The following HOXB7 variants were observed in gnomAD, a reference collection of about 807,000 sequenced individuals.
HOXB7 encodes homeobox protein Hox-B7.
In HOXB7, 11 loss-of-function variants were observed where a neutral mutation model predicts 19.2. That is an observed-to-expected ratio of 0.57 (90% CI 0.36 to 0.95). The LOEUF (loss-of-function observed/expected upper bound fraction) is 0.95. HOXB7 is among the 40% of genes least tolerant of loss of function. HOXB7 has a pLI of 0.01. For synonymous variants in HOXB7, 141 were observed against 130.2 expected (o/e 1.08, Z -0.56); for missense variants, 318 against 301.1 (o/e 1.06, Z -0.42).
intron 1 of HOXB7, among the ~76,000 whole-genome samples, chr17:48,610,007 G>A (rs1383403126): frequency 6.6e-6 from 1 of 152,160 alleles, no homozygotes; most frequent in South Asian, 2.1e-4. Context: ...GGGGAGCGGG[G>A]TTGGCTGGAG....
Position 48,611,003 on chromosome 17 carries a change from A to T in HOXB7, c.-85T>A. 8.3e-7 allele frequency: 1 copy of T among 1,208,682 alleles called. No homozygotes were observed. Among genetic ancestry groups the T allele is most frequent in the Non-Finnish European group, 1.1e-6 (1 of 908,578 alleles). The allele number at this position is 1,208,682 out of a possible 1,614,324, so 74.9% of individuals were successfully genotyped here. Reference sequence around the variant, plus strand: ...GATATATTACAGAATTAGAGTCCAGATTTACACCAAAAAGGACCCCCTTTT... The same window carrying T: ...GATATATTACAGAATTAGAGTCCAGTTTTACACCAAAAAGGACCCCCTTTT... On this transcript the variant is annotated 5_prime_UTR_variant, in exon 1 of 2. Transcript: ENST00000239165.
chr17:48,610,898 C>T lies in HOXB7; in HGVS notation c.21G>A (p.Ala7=), dbSNP rs1377736256. Residue 7 remains alanine (A), a synonymous_variant, in exon 1 of 2, where the codon GCG becomes GCA. Coordinates refer to ENST00000239165, the MANE Select transcript of HOXB7 (RefSeq NM_004502.4). ...CTGGATATTTAGAAAATAAAGTATT[C>T]GCATAATACAATGAACTCATAATTT... MSSLYY[A]NTLFSKYPAS... is the part of the protein sequence containing the mutation. The T allele has an allele frequency of 5.3e-6, 8 of 1,509,646 alleles. No homozygotes were observed. Among genetic ancestry groups the T allele is most frequent in the African/African-American group, 4.2e-5 (3 of 71,310 alleles). 93.5% of individuals were successfully genotyped at this position (1,509,646 alleles called of 1,614,324 possible).
rs2144993135 is a variant in HOXB7, at chr17:48,607,563, T to A, written c.*279A>T. On this transcript the variant is annotated 3_prime_UTR_variant, in exon 2 of 2. Transcript: ENST00000239165. ...TCCAGAAAGCTACAGAACAGGTAGA[T>A]AATATCCTTTTCATATTGTACAAAA... 1 of 406,340 alleles carries A rather than the reference T, an allele frequency of 2.5e-6. No individual in the cohort carries two copies. The highest frequency in any genetic ancestry group is 4.6e-5 in the East Asian group (1 of 21,962). 25.2% of individuals were successfully genotyped at this position (406,340 alleles called of 1,614,324 possible). A position where few individuals can be genotyped will look rare whatever the true frequency, so the allele number is the denominator to read the frequency against.
At chr17:48,608,864 G>A (rs567632001) in intron 1 of HOXB7, among the ~76,000 whole-genome samples, 2 of 152,202 alleles carry the variant, frequency 1.3e-5, no homozygotes, top group African/African-American at 2.4e-5. Context: ...GGAGTGGGGC[G>A]CCAGGCCTAG....
Position 48,607,713 on chromosome 17 carries a change from T to TG in HOXB7, c.*128dup, listed in dbSNP as rs781633825. On this transcript the variant is annotated 3_prime_UTR_variant, in exon 2 of 2. Coordinates refer to ENST00000239165, the MANE Select transcript of HOXB7 (RefSeq NM_004502.4). ...TTTCATTTAAATAGGGTTTTTTTTT[T>TG]GTTTTTTTTGTTTTTTGTTTTGTTT... 30 of 668,678 alleles carry TG rather than the reference T, an allele frequency of 4.5e-5. No individual in the cohort carries two copies. In the Admixed American group the frequency reaches 8.0e-4, roughly 18 times the overall value. The allele number at this position is 668,678 out of a possible 1,614,324, so 41.4% of individuals were successfully genotyped here. A position where few individuals can be genotyped will look rare whatever the true frequency, so the allele number is the denominator to read the frequency against.
chr17:48,610,216 T>C (rs2070629179), intron 1 of HOXB7, among the ~76,000 whole-genome samples: 1 of 151,606 alleles, frequency 6.6e-6, no homozygotes, highest in African/African-American at 2.4e-5. Context: ...GTGCCGGCGC[T>C]GCTGATAAAT....
At chr17:48,609,725 C>T (rs186983971) in intron 1 of HOXB7, among the ~76,000 whole-genome samples, 79 of 152,250 alleles carry the variant, frequency 5.2e-4, no homozygotes, top group Non-Finnish European at 8.4e-4. Context: ...TCTGGAATGA[C>T]ACCTCCAAAC....
intron 1 of HOXB7, among the ~76,000 whole-genome samples, chr17:48,608,488 T>C (rs1374547455): frequency 6.7e-6 from 1 of 149,678 alleles, no homozygotes; most frequent in African/African-American, 2.5e-5. Context: ...TTATACCGTG[T>C]ATGTGATTTG....
intron 1 of HOXB7, among the ~76,000 whole-genome samples, chr17:48,608,692 C>G (rs1182248499): frequency 6.6e-6 from 1 of 152,184 alleles, no homozygotes; most frequent in Non-Finnish European, 1.5e-5. Context: ...GGAAAGTAAT[C>G]TGCTGGCTCT....
At chr17:48,610,472 T>A (rs1168417623) in intron 1 of HOXB7, 47 bp downstream of exon 1, 1 of 1,386,316 alleles carries the variant, frequency 7.2e-7, no homozygotes, top group Non-Finnish European at 9.4e-7. Flanking sequence ...TTCAGGGTAA[T>A]GTGCCCCGGC....
chr17:48,608,084 T>G lies in HOXB7; in HGVS notation c.412A>C (p.Lys138Gln). The G allele has an allele frequency of 1.1e-5, 17 of 1,613,786 alleles. No homozygotes were observed. The highest frequency in any genetic ancestry group is 1.4e-5 in the Non-Finnish European group (17 of 1,179,836). The change falls in exon 2 of 2, where the codon AAA becomes CAA. Residue 138 changes from lysine (K) to glutamine (Q), a missense_variant. Transcript: ENST00000239165. Reference sequence around the variant, plus strand: ...CGGGTGTAGGTCTGGCGGCCTCGTTTGCGGTCAGTTCCTGCACACAGTATT... The same window carrying G: ...CGGGTGTAGGTCTGGCGGCCTCGTTGGCGGTCAGTTCCTGCACACAGTATT... ...PWMRSSGTDRKRGRQTYTRYQ... is the reference protein window; with the variant it reads ...PWMRSSGTDRQRGRQTYTRYQ...
At position 48,610,980 on chromosome 17, in the gene HOXB7, T is replaced by C; in HGVS notation, c.-62A>G. On this transcript the variant is annotated 5_prime_UTR_variant, in exon 1 of 2. The change creates a new upstream start codon in the 5' untranslated region. Coordinates refer to ENST00000239165, the MANE Select transcript of HOXB7 (RefSeq NM_004502.4). Reference sequence around the variant, plus strand: ...GTGTCGGTTTTACGAGATTCCTTGATATATTACAGAATTAGAGTCCAGATT... The same window carrying C: ...GTGTCGGTTTTACGAGATTCCTTGACATATTACAGAATTAGAGTCCAGATT... 1 of 1,364,144 alleles carries C rather than the reference T, an allele frequency of 7.3e-7. No individual in the cohort carries two copies. The highest frequency in any genetic ancestry group is 9.7e-7 in the Non-Finnish European group (1 of 1,025,908). The allele number at this position is 1,364,144 out of a possible 1,614,324, so 84.5% of individuals were successfully genotyped here. A position where few individuals can be genotyped will look rare whatever the true frequency, so the allele number is the denominator to read the frequency against.
In HOXB7 at chr17:48,610,666, A is replaced by G; in HGVS notation, c.253T>C (p.Phe85Leu). ...TCAAAGGGCGCGCAGTGCATGTTGA[A>G]GGAACTCGGCTCGAGCCCATAGCCG... ...AAGYGLEPSS[F>L]NMHCAPFEQN... Residue 85 changes from phenylalanine to leucine, a missense_variant, in exon 1 of 2, where the codon TTC (phenylalanine) becomes CTC (leucine). Transcript: ENST00000239165. The G allele has an allele frequency of 6.3e-7, 1 of 1,581,142 alleles. No individual in the cohort carries two copies. The highest frequency in any genetic ancestry group is 8.6e-7 in the Non-Finnish European group (1 of 1,163,576).
rs747971404 is a variant in HOXB7, at chr17:48,610,664, G to T, written c.255C>A (p.Phe85Leu). 6 of 1,580,588 alleles carry T rather than the reference G, an allele frequency of 3.8e-6. No individual in the cohort carries two copies. In the African/African-American group the frequency reaches 6.8e-5, roughly 18 times the overall value. ...AAGYGLEPSSFNMHCAPFEQN... is the reference protein window; with the variant it reads ...AAGYGLEPSSLNMHCAPFEQN... ...GCTCAAAGGGCGCGCAGTGCATGTT[G>T]AAGGAACTCGGCTCGAGCCCATAGC... The change falls in exon 1 of 2, where the codon TTC becomes TTA. Residue 85 changes from phenylalanine to leucine, a missense_variant. Phe to Leu is a conservative substitution (Grantham distance 22). Transcript: ENST00000239165.
chr17:48,608,316 C>CAGG, intron 1 of HOXB7: 1 of 354,204 alleles, frequency 2.8e-6, no homozygotes, highest in South Asian at 4.8e-5. Context: ...CCCAACTACT[C>CAGG]AGGAGGCTGA....
Position 48,610,688 on chromosome 17 carries a change from G to A in HOXB7, c.231C>T (p.Gly77=). The part of the protein sequence containing the change: ...GQSAAGVYAA[G]YGLEPSSFNM... ...TGAAGGAACTCGGCTCGAGCCCATAGCCGGCCGCGTAGACGCCGGCCGCGC... is the reference window on the plus strand; with the variant it reads ...TGAAGGAACTCGGCTCGAGCCCATAACCGGCCGCGTAGACGCCGGCCGCGC... Residue 77 remains glycine (G), a synonymous_variant, in exon 1 of 2, where the codon GGC becomes GGT. Transcript: ENST00000239165. 6.4e-7 allele frequency: 1 copy of A among 1,572,064 alleles called. No homozygotes were observed. The highest frequency in any genetic ancestry group is 2.4e-5 in the East Asian group (1 of 41,458).
At position 48,607,626 on chromosome 17, in the gene HOXB7, T is replaced by C. The variant is rs2070596195; in HGVS notation, c.*216A>G. ...ACAGACTTTCCTATAGGTAGTATTT[T>C]TTCAGTGTTGAAAAACCAAAATTTC... On this transcript the variant is annotated 3_prime_UTR_variant, in exon 2 of 2. Transcript: ENST00000239165. The C allele has an allele frequency of 3.9e-6, 2 of 518,576 alleles. No individual in the cohort carries two copies. The highest frequency in any genetic ancestry group is 7.4e-5 in the Admixed American group (2 of 26,850). The allele number at this position is 518,576 out of a possible 1,614,324, so 32.1% of individuals were successfully genotyped here. A position where few individuals can be genotyped will look rare whatever the true frequency, so the allele number is the denominator to read the frequency against.
rs1453068362 is a variant in HOXB7 at position 48,610,267 on chromosome 17, T to A, written c.400+252A>T. Among the ~76,000 whole-genome samples, 3 of 126,238 alleles carry A rather than the reference T, an allele frequency of 2.4e-5. No homozygotes were observed. The Admixed American group carries it at 2.5e-4, about 10-fold the overall frequency. 82.8% of individuals were successfully genotyped at this position (126,238 alleles called of 152,430 possible). A position where few individuals can be genotyped will look rare whatever the true frequency, so the allele number is the denominator to read the frequency against. ...GCCGAGAGGAAGGGTGGGGGCGGGC[T>A]GGGGGCTCGCAGCGCCGTGGTGCCG... On this transcript the variant is annotated intron_variant, in intron 1 of 1. Coordinates refer to ENST00000239165, the MANE Select transcript of HOXB7 (RefSeq NM_004502.4).
At position 48,608,063 on chromosome 17, in the gene HOXB7, T is replaced by A. The variant is rs1567979083; in HGVS notation, c.433A>T (p.Thr145Ser). The A allele has an allele frequency of 6.2e-7, 1 of 1,614,048 alleles. No homozygotes were observed. Among genetic ancestry groups the A allele is most frequent in the South Asian group, 1.1e-5 (1 of 91,074 alleles). ...TDRKRGRQTYTRYQTLELEKE... is the reference protein window; with the variant it reads ...TDRKRGRQTYSRYQTLELEKE... ...TCCAGCTCCAGGGTCTGGTAGCGGG[T>A]GTAGGTCTGGCGGCCTCGTTTGCGG... The change falls in exon 2 of 2, where the codon ACC becomes TCC. Residue 145 changes from threonine (T) to serine (S), a missense_variant. Coordinates refer to ENST00000239165, the MANE Select transcript of HOXB7 (RefSeq NM_004502.4).
Sources: gnomAD v4.1 joint callset for allele counts (sites outside exome capture counted in the v4.1 genomes callset) on GRCh38, gnomAD v4.1.1 for gene constraint, MANE v1.5 for transcripts, NCBI Gene and HGNC (gene_info 2026-07-23, HGNC 2026-07-21) for gene names.